NEGR1: variants seen among roughly 807,000 people sequenced by gnomAD.
The protein encoded by NEGR1 is neuronal growth regulator 1, also known as IgLON family member 4.
Under a neutral mutation model 40.9 loss-of-function variants are expected in NEGR1, and 10 were observed. The observed-to-expected ratio is 0.24, with a 90% CI of 0.15 to 0.42. The LOEUF (loss-of-function observed/expected upper bound fraction) is 0.42. NEGR1 is among the 10% of genes least tolerant of loss of function. The probability of loss-of-function intolerance (pLI) is 1.00; values close to 1 mark genes in which losing one functional copy is unlikely to be tolerated. For missense variants in NEGR1, 352 were observed against 438.9 expected (o/e 0.80, Z 1.77); for synonymous variants, 185 against 166.8 (o/e 1.11, Z -0.84).
chr1:71,928,732 T>G (rs973242080), intron 2 of NEGR1, among the ~76,000 whole-genome samples: 10 of 151,868 alleles, frequency 6.6e-5, no homozygotes, highest in Non-Finnish European at 1.0e-4. Flanking sequence ...AAAAATGCAA[T>G]GCAATGTTCT....
intron 1 of NEGR1, among the ~76,000 whole-genome samples, chr1:72,279,421 T>G (rs1231475523): frequency 6.6e-6 from 1 of 152,204 alleles, no homozygotes; most frequent in African/African-American, 2.4e-5. Context: ...ATTTGATAAC[T>G]GTTATGCCAC....
intron 1 of NEGR1, among the ~76,000 whole-genome samples, chr1:72,124,402 G>A (rs1002823352): frequency 6.6e-6 from 1 of 151,826 alleles, no homozygotes; most frequent in Admixed American, 6.6e-5. Context: ...GATCAGCCCA[G>A]AGCAAAACCT....
chr1:71,442,329 T>G (rs796523081), intron 6 of NEGR1, among the ~76,000 whole-genome samples: 5 of 151,946 alleles, frequency 3.3e-5, no homozygotes, highest in African/African-American at 1.2e-4. Flanking sequence ...AATTGGACAT[T>G]TTCAGCCGGG....
At chr1:71,504,481 A>G (rs1647019662) in intron 6 of NEGR1, among the ~76,000 whole-genome samples, 2 of 152,200 alleles carry the variant, frequency 1.3e-5, no homozygotes, top group African/African-American at 2.4e-5. Context: ...AAATGTTACA[A>G]GTGTAGAAAG....
chr1:72,084,490 T>A (rs1052169733), intron 1 of NEGR1, among the ~76,000 whole-genome samples: 5 of 152,184 alleles, frequency 3.3e-5, no homozygotes, highest in Non-Finnish European at 5.9e-5. Context: ...TGATCACCAA[T>A]CAAAATACAT....
chr1:71,548,983 T>C (rs1037338259), intron 6 of NEGR1, among the ~76,000 whole-genome samples: 1 of 151,632 alleles, frequency 6.6e-6, no homozygotes, highest in African/African-American at 2.4e-5. Flanking sequence ...AGGTTGATAG[T>C]TTCCCTGTAC....
intron 1 of NEGR1, among the ~76,000 whole-genome samples, chr1:71,944,266 A>G (rs1645998097): frequency 6.6e-6 from 1 of 152,200 alleles, no homozygotes; most frequent in African/African-American, 2.4e-5. Context: ...TGAAAACTAC[A>G]TTCAAAATGC....
At chr1:71,549,663 T>C (rs1055980656) in intron 6 of NEGR1, among the ~76,000 whole-genome samples, 5 of 151,716 alleles carry the variant, frequency 3.3e-5, no homozygotes, top group African/African-American at 1.2e-4. Context: ...AACCTGGGTT[T>C]GTTAAAACCC....
intron 4 of NEGR1, among the ~76,000 whole-genome samples, chr1:71,636,029 C>G (rs892091473): frequency 1.3e-5 from 2 of 152,012 alleles, no homozygotes; most frequent in African/African-American, 2.4e-5. Context: ...GTGCTTTAAT[C>G]TTTCTCATAT....
chr1:71,948,496 T>A lies in NEGR1; in HGVS notation c.177-13185A>T, dbSNP rs111839196. 3.2e-3 allele frequency among the ~76,000 whole-genome samples: 475 copies of A among 148,590 alleles called. 1 individual carries two copies. The highest frequency in any genetic ancestry group is 4.5e-3 in the Non-Finnish European group (304 of 67,060). ...TTCAAAAGGGGCGTGTGTGTGTGTGTGAGAGAGAGAGAGAGAGAGAGACAG... is the reference window on the plus strand; with the variant it reads ...TTCAAAAGGGGCGTGTGTGTGTGTGAGAGAGAGAGAGAGAGAGAGAGACAG... On this transcript the variant is annotated intron_variant, in intron 1 of 6. Coordinates refer to ENST00000357731, the MANE Select transcript of NEGR1 (RefSeq NM_173808.3).
chr1:71,996,531 T>G (rs1646505870), intron 1 of NEGR1, among the ~76,000 whole-genome samples: 1 of 152,124 alleles, frequency 6.6e-6, no homozygotes, highest in Non-Finnish European at 1.5e-5. Context: ...TTGGATACTC[T>G]CACAATCTTT....
chr1:71,775,346 CTTTTT>C (rs11290277), intron 3 of NEGR1, among the ~76,000 whole-genome samples: 5 of 131,528 alleles, frequency 3.8e-5, no homozygotes, highest in Non-Finnish European at 5.0e-5. Context: ...TATTCTTTAA[CTTTTT>C]TTTTTTTTTT....
At chr1:71,679,212 A>T (rs1652745791) in intron 4 of NEGR1, among the ~76,000 whole-genome samples, 1 of 152,090 alleles carries the variant, frequency 6.6e-6, no homozygotes, top group South Asian at 2.1e-4. Flanking sequence ...GAATGGATGG[A>T]GTCTTCTCGA....
At position 71,559,009 on chromosome 1, in the gene NEGR1, C is replaced by CTGTGTG. The variant is rs573407911; in HGVS notation, c.940+33802_940+33807dup. 1.3e-3 allele frequency among the ~76,000 whole-genome samples: 159 copies of CTGTGTG among 120,118 alleles called. 1 individual carries two copies. Among genetic ancestry groups the CTGTGTG allele is most frequent in the South Asian group, 6.2e-3 (21 of 3,404 alleles). 78.8% of individuals were successfully genotyped at this position (120,118 alleles called of 152,430 possible). ...ATTTATGTTTATTTATTTATCTTCT[C>CTGTGTG]TGTGTGTGTGTATATATATATATAT... On this transcript the variant is annotated intron_variant, in intron 6 of 6. Transcript: ENST00000357731.
intron 1 of NEGR1, among the ~76,000 whole-genome samples, chr1:71,938,408 G>GTT (rs1645929303): frequency 7.9e-6 from 1 of 126,442 alleles, no homozygotes. Context: ...GCATGTGTAG[G>GTT]TGTTTTTTTT....
chr1:71,599,380 T>G (rs889546111), intron 5 of NEGR1, among the ~76,000 whole-genome samples: 3 of 152,194 alleles, frequency 2.0e-5, no homozygotes, highest in African/African-American at 7.2e-5. Flanking sequence ...CCAAACTCAG[T>G]ATCAATTACA....
chr1:71,608,566 C>G (rs1650143806), intron 5 of NEGR1, among the ~76,000 whole-genome samples: 1 of 149,346 alleles, frequency 6.7e-6, no homozygotes, highest in Admixed American at 6.7e-5. Context: ...AAAAAAAATC[C>G]AGGACATTGC....
intron 2 of NEGR1, among the ~76,000 whole-genome samples, chr1:71,897,193 A>G (rs1660999080): frequency 6.6e-6 from 1 of 152,020 alleles, no homozygotes; most frequent in Non-Finnish European, 1.5e-5. Flanking sequence ...TCGAAGTATT[A>G]TTGTCTCTGT....
chr1:71,848,538 A>G (rs1466795086), intron 2 of NEGR1, among the ~76,000 whole-genome samples: 1 of 152,244 alleles, frequency 6.6e-6, no homozygotes, highest in East Asian at 1.9e-4. Flanking sequence ...TAAAGGAAAC[A>G]ACAAAGCCTG....
Sources: gnomAD v4.1 joint callset for allele counts (sites outside exome capture counted in the v4.1 genomes callset) on GRCh38, gnomAD v4.1.1 for gene constraint, MANE v1.5 for transcripts, NCBI Gene and HGNC (gene_info 2026-07-23, HGNC 2026-07-21) for gene names.